The following BBS9 variants were observed in gnomAD, a reference collection of about 807,000 sequenced individuals.
BBS9 encodes the protein Bardet-Biedl syndrome 9.
A neutral mutation model predicts 117.7 loss-of-function variants in BBS9; 89 were observed. The observed-to-expected ratio is 0.76, with a 90% CI of 0.64 to 0.90. The LOEUF is 0.90. BBS9 is among the 40% of genes least tolerant of loss of function. The pLI, the probability that BBS9 is intolerant of heterozygous loss-of-function variation, is 0.00. For missense variants in BBS9, 982 were observed against 1,042.2 expected, an observed-to-expected ratio of 0.94 and a Z score of 0.80; for synonymous variants, 379 against 370.9, an observed-to-expected ratio of 1.02 and a Z score of -0.25.
intron 5 of BBS9, among the ~76,000 whole-genome samples, chr7:33,231,452 A>T (rs1583767422): frequency 9.7e-6 from 1 of 102,848 alleles, no homozygotes; most frequent in African/African-American, 3.7e-5. Context: ...TTTTGCCAGG[A>T]CCATATTGTT....
chr7:33,162,234 A>T (rs1794972030), intron 4 of BBS9, among the ~76,000 whole-genome samples: 1 of 152,190 alleles, frequency 6.6e-6, no homozygotes, highest in African/African-American at 2.4e-5. Flanking sequence ...ATAAGGTGTA[A>T]GGAAGGGATC....
At chr7:33,344,680 A>T in intron 12 of BBS9, 46 bp downstream of exon 12, 1 of 1,538,864 alleles carries the variant, frequency 6.5e-7, no homozygotes, top group Non-Finnish European at 9.0e-7. Context: ...AATATGATTT[A>T]TTTCATTACA....
chr7:33,165,590 A>G (rs180918201), intron 4 of BBS9, among the ~76,000 whole-genome samples: 6 of 151,918 alleles, frequency 3.9e-5, no homozygotes, highest in Non-Finnish European at 7.4e-5. Context: ...TTGATTTTCA[A>G]TCAACGATAG....
Position 33,286,421 on chromosome 7 carries a change from C to T in BBS9, c.1016+12465C>T, listed in dbSNP as rs1254169880. Among the ~76,000 whole-genome samples the T allele has an allele frequency of 5.9e-5, 9 of 152,024 alleles. No individual in the cohort carries two copies. The South Asian group carries it at 1.0e-3, about 18-fold the overall frequency. On this transcript the variant is annotated intron_variant, in intron 9 of 22. Coordinates refer to ENST00000242067, the MANE Select transcript of BBS9 (RefSeq NM_198428.3). ...ACATACCTTCTTGGCCCTTTGGTCC[C>T]GGAGATCATTTCTATCAGGTTAGTG... is the stretch of plus-strand genomic sequence containing the variant.
At chr7:33,366,336 T>C (rs915274988) in intron 16 of BBS9, among the ~76,000 whole-genome samples, 40 of 152,064 alleles carry the variant, frequency 2.6e-4, no homozygotes, top group Admixed American at 2.3e-3. Context: ...TATGCCGATA[T>C]AACCAGCCAT....
At chr7:33,348,144 C>T (rs1817941580) in intron 12 of BBS9, among the ~76,000 whole-genome samples, 1 of 152,112 alleles carries the variant, frequency 6.6e-6, no homozygotes. Context: ...TACCCATTAG[C>T]TGCCATTCCC....
chr7:33,251,237 C>T (rs1215483873), intron 5 of BBS9, among the ~76,000 whole-genome samples: 5 of 152,164 alleles, frequency 3.3e-5, no homozygotes, highest in Non-Finnish European at 5.9e-5. Flanking sequence ...GCCAAATGGC[C>T]TCTGTGATTC....
chr7:33,294,155 A>G (rs1366010263), intron 9 of BBS9, among the ~76,000 whole-genome samples: 1 of 152,176 alleles, frequency 6.6e-6, no homozygotes, highest in African/African-American at 2.4e-5. Context: ...ACTTTGATCT[A>G]GTCAATTAAA....
At chr7:33,193,229 G>C (rs1338154398) in intron 5 of BBS9, among the ~76,000 whole-genome samples, 1 of 151,948 alleles carries the variant, frequency 6.6e-6, no homozygotes, top group Non-Finnish European at 1.5e-5. Context: ...TTTTATTTGG[G>C]TTCTTTTTTT....
chr7:33,317,778 G>A (rs1410412605), intron 9 of BBS9, among the ~76,000 whole-genome samples: 7 of 152,172 alleles, frequency 4.6e-5, no homozygotes, highest in African/African-American at 1.4e-4. Flanking sequence ...TGGGCCAGGC[G>A]CAGTGGCTCA....
At chr7:33,597,337 A>T (rs1369154568) in intron 21 of BBS9, among the ~76,000 whole-genome samples, 2 of 152,160 alleles carry the variant, frequency 1.3e-5, no homozygotes, top group Admixed American at 1.3e-4. Context: ...GCTGTTTTTA[A>T]TTCTTAGTGG....
chr7:33,583,887 G>A (rs1003790645), intron 21 of BBS9, among the ~76,000 whole-genome samples: 1 of 152,076 alleles, frequency 6.6e-6, no homozygotes. Context: ...TGTAGATGTT[G>A]TTACCAGTGT....
intron 21 of BBS9, among the ~76,000 whole-genome samples, chr7:33,562,129 T>C (rs1856176805): frequency 6.6e-6 from 1 of 152,244 alleles, no homozygotes; most frequent in Non-Finnish European, 1.5e-5. Flanking sequence ...ATTGTATTAA[T>C]GATACTCTGC....
chr7:33,486,077 C>G (rs1163345803), intron 19 of BBS9, among the ~76,000 whole-genome samples: 1 of 152,158 alleles, frequency 6.6e-6, no homozygotes, highest in Non-Finnish European at 1.5e-5. Flanking sequence ...CCGAAGCAGC[C>G]TCCATCTTCC....
At chr7:33,274,716 G>A (rs747796884) in intron 9 of BBS9, among the ~76,000 whole-genome samples, 13 of 152,096 alleles carry the variant, frequency 8.5e-5, no homozygotes, top group Non-Finnish European at 1.3e-4. Flanking sequence ...CATACGGGGC[G>A]GGGCACAGTG....
intron 19 of BBS9, among the ~76,000 whole-genome samples, chr7:33,471,668 C>T (rs981819131): frequency 6.6e-6 from 1 of 152,226 alleles, no homozygotes; most frequent in Non-Finnish European, 1.5e-5. Context: ...GCAGTGTTAG[C>T]TGTATAGAGC....
chr7:33,550,196 C>T (rs985061467), intron 21 of BBS9, among the ~76,000 whole-genome samples: 2 of 152,100 alleles, frequency 1.3e-5, no homozygotes, highest in African/African-American at 2.4e-5. Context: ...AGTATCTGCT[C>T]GCTCTCTGAG....
chr7:33,436,932 G>A (rs1406649542), intron 19 of BBS9, among the ~76,000 whole-genome samples: 1 of 152,190 alleles, frequency 6.6e-6, no homozygotes, highest in Non-Finnish European at 1.5e-5. Context: ...TAATTTCTGT[G>A]TAACTTGACT....
intron 20 of BBS9, among the ~76,000 whole-genome samples, chr7:33,527,103 C>G (rs1269772659): frequency 1.6e-4 from 24 of 152,072 alleles, no homozygotes; most frequent in African/African-American, 3.1e-4. Context: ...CAGTCTGCCT[C>G]TTCTCAGATC....
Sources: gnomAD v4.1 joint callset for allele counts (sites outside exome capture counted in the v4.1 genomes callset) on GRCh38, gnomAD v4.1.1 for gene constraint, MANE v1.5 for transcripts, NCBI Gene and HGNC (gene_info 2026-07-23, HGNC 2026-07-21) for gene names.